SMG6: variants seen among roughly 807,000 people sequenced by gnomAD.
SMG6 encodes telomerase-binding protein EST1A.
SMG6 carries 66 observed loss-of-function variants against 142.2 expected under a neutral mutation model. That is an observed-to-expected ratio of 0.46 (90% CI 0.38 to 0.57). SMG6 has a LOEUF of 0.57. Ranked by LOEUF, SMG6 falls within the 20% of genes least tolerant of loss-of-function variation. SMG6 has a pLI of 0.00. For missense variants in SMG6, 1,793 were observed against 1,832.0 expected (o/e 0.98, Z 0.39); for synonymous variants, 779 against 702.4 (o/e 1.11, Z -1.72).
intron 18 of SMG6, among the ~76,000 whole-genome samples, chr17:2,064,750 A>G (rs954397875): frequency 3.9e-5 from 6 of 152,218 alleles, no homozygotes; most frequent in African/African-American, 1.4e-4. Context: ...AGTGAATCAT[A>G]AAGACATTCT....
intron 13 of SMG6, among the ~76,000 whole-genome samples, chr17:2,119,811 G>A (rs1267604461): frequency 3.9e-5 from 6 of 152,122 alleles, no homozygotes; most frequent in Non-Finnish European, 5.9e-5. Context: ...ACAGACGCCC[G>A]CTGCCATGCC....
intron 11 of SMG6, 28 bp downstream of exon 11, chr17:2,188,371 C>T (rs376288525): frequency 3.1e-6 from 5 of 1,601,526 alleles, no homozygotes; most frequent in Non-Finnish European, 4.3e-6. Flanking sequence ...CTGGAAAGCC[C>T]ACCAGGCTGG....
intron 13 of SMG6, among the ~76,000 whole-genome samples, chr17:2,117,293 G>A (rs1567610709): frequency 6.6e-6 from 1 of 151,740 alleles, no homozygotes; most frequent in Non-Finnish European, 1.5e-5. Context: ...CAACTCACTA[G>A]TGGAGATCTC....
At chr17:2,284,231 T>C (rs2074855062) in intron 6 of SMG6, among the ~76,000 whole-genome samples, 1 of 152,186 alleles carries the variant, frequency 6.6e-6, no homozygotes, top group South Asian at 2.1e-4. Flanking sequence ...AGTTCCTATA[T>C]CCTCAACATT....
At chr17:2,129,255 C>T (rs748987382) in intron 13 of SMG6, among the ~76,000 whole-genome samples, 4 of 151,980 alleles carry the variant, frequency 2.6e-5, no homozygotes, top group Admixed American at 2.0e-4. Context: ...CCAGGGAGGT[C>T]GAGGCTGCAG....
At chr17:2,229,139 C>T (rs1210403086) in intron 10 of SMG6, among the ~76,000 whole-genome samples, 2 of 152,182 alleles carry the variant, frequency 1.3e-5, no homozygotes, top group Non-Finnish European at 2.9e-5. Context: ...AACACTTCTA[C>T]CAACTAGTCA....
chr17:2,074,027 C>T (rs536150197), intron 15 of SMG6, among the ~76,000 whole-genome samples: 3 of 152,190 alleles, frequency 2.0e-5, no homozygotes, highest in East Asian at 1.9e-4. Flanking sequence ...TACAGTGAGC[C>T]GAGACCATGC....
chr17:2,229,985 A>C (rs2073424241), intron 10 of SMG6, among the ~76,000 whole-genome samples: 1 of 151,926 alleles, frequency 6.6e-6, no homozygotes, highest in South Asian at 2.1e-4. Context: ...CAGGAGTTTG[A>C]GACCAGCCTG....
At chr17:2,237,999 C>G (rs1260544135) in intron 9 of SMG6, among the ~76,000 whole-genome samples, 1 of 152,192 alleles carries the variant, frequency 6.6e-6, no homozygotes, top group African/African-American at 2.4e-5. Context: ...TCTGAAAAGC[C>G]ACAAGGAAGG....
intron 13 of SMG6, among the ~76,000 whole-genome samples, chr17:2,123,536 T>G (rs2069770387): frequency 6.6e-6 from 1 of 152,186 alleles, no homozygotes; most frequent in Admixed American, 6.5e-5. Flanking sequence ...ATCTTGGCAA[T>G]GGTTATTCCT....
chr17:2,299,922 T>G lies in SMG6; in HGVS notation c.831A>C (p.Gly277=). 1.2e-6 allele frequency: 2 copies of G among 1,614,126 alleles called. No homozygotes were observed. The highest frequency in any genetic ancestry group is 1.7e-6 in the Non-Finnish European group (2 of 1,180,030). ...SAEGAGLTDN[G]CRRRRQDRTK... Reference sequence around the variant, plus strand: ...TCCTATCCTGTCGGCGGCGGCGACATCCATTATCCGTCAGGCCAGCTCCCT... The same window carrying G: ...TCCTATCCTGTCGGCGGCGGCGACAGCCATTATCCGTCAGGCCAGCTCCCT... Residue 277 remains glycine (G), a synonymous_variant, in exon 2 of 19, where the codon GGA becomes GGC. Transcript: ENST00000263073. This position sits in a 1 kb window ranked among gnomAD's most constrained non-coding sequence, Gnocchi z 4.3.
chr17:2,297,311 T>G lies in SMG6; in HGVS notation c.2083A>C (p.Thr695Pro). The G allele has an allele frequency of 6.2e-7, 1 of 1,613,350 alleles. No individual in the cohort carries two copies. Among genetic ancestry groups the G allele is most frequent in the Non-Finnish European group, 8.5e-7 (1 of 1,179,712 alleles). The stretch of plus-strand genomic sequence containing the variant: ...TAGTCTTCCAGTTTGAACTTGTAAG[T>G]AACCTGCAGCTTCTGAAGCAAACTA... ...FDSLLQKLQV[T>P]YKFKLEDYMD... Residue 695 changes from threonine (T) to proline (P), a missense_variant, in exon 4 of 19, where the codon ACT (threonine) becomes CCT (proline). This residue lies in a region of SMG6 where 1,597 missense variants were observed against 1,584.6 expected (regional missense o/e 1.01). Coordinates refer to ENST00000263073, the MANE Select transcript of SMG6 (RefSeq NM_017575.5).
At chr17:2,254,703 T>G (rs1201279528) in intron 8 of SMG6, among the ~76,000 whole-genome samples, 1 of 152,114 alleles carries the variant, frequency 6.6e-6, no homozygotes, top group Non-Finnish European at 1.5e-5. Context: ...TCCTCACACA[T>G]GGACCCATAC....
intron 12 of SMG6, among the ~76,000 whole-genome samples, chr17:2,185,511 G>A (rs2071950941): frequency 1.3e-5 from 2 of 151,718 alleles, no homozygotes; most frequent in Admixed American, 6.6e-5. Context: ...AAAAGAAAAA[G>A]AAAAAGGTAT....
chr17:2,195,503 G>A (rs2072296802), intron 10 of SMG6, among the ~76,000 whole-genome samples: 1 of 152,194 alleles, frequency 6.6e-6, no homozygotes, highest in Non-Finnish European at 1.5e-5. Flanking sequence ...TAAGCCCCTT[G>A]AGGGCAAGAG....
chr17:2,085,913 G>A lies in SMG6; in HGVS notation c.3358-12C>T. The A allele has an allele frequency of 6.2e-7, 1 of 1,612,414 alleles. No individual in the cohort carries two copies. The highest frequency in any genetic ancestry group is 2.2e-5 in the East Asian group (1 of 44,868). Reference sequence around the variant, plus strand: ...TCAGCTGCAATAACCTACAGGGTGAGAGGGAGAGAAGAAAAACAGCATTTT... The same window carrying A: ...TCAGCTGCAATAACCTACAGGGTGAAAGGGAGAGAAGAAAAACAGCATTTT... On this transcript the variant is annotated splice_polypyrimidine_tract_variant and intron_variant, in intron 13 of 18. Coordinates refer to ENST00000263073, the MANE Select transcript of SMG6 (RefSeq NM_017575.5). The surrounding 1 kb of genome is among the most constrained non-coding windows in gnomAD (Gnocchi z 4.1).
chr17:2,156,028 TTTTC>T (rs1292883596), intron 13 of SMG6, among the ~76,000 whole-genome samples: 14 of 147,254 alleles, frequency 9.5e-5, no homozygotes, highest in Admixed American at 4.8e-4. Flanking sequence ...TCTTTTACTG[TTTTC>T]TTTACCTTTT....
chr17:2,303,508 G>T, intron 1 of SMG6, 125 bp downstream of exon 1: 1 of 1,329,896 alleles, frequency 7.5e-7, no homozygotes, highest in Non-Finnish European at 9.6e-7. Flanking sequence ...CGCGGCCCCA[G>T]CGCCTACTGC....
intron 8 of SMG6, among the ~76,000 whole-genome samples, chr17:2,277,754 A>G (rs1305797587): frequency 6.6e-6 from 1 of 152,206 alleles, no homozygotes; most frequent in Non-Finnish European, 1.5e-5. Context: ...TTGTTAAAAA[A>G]TGTATTTCAG....
Sources: gnomAD v4.1 joint callset for allele counts (sites outside exome capture counted in the v4.1 genomes callset) on GRCh38, gnomAD v4.1.1 for gene constraint, gnomAD v4.1.1 regional missense constraint, Gnocchi (gnomAD v3.1) non-coding constraint, MANE v1.5 for transcripts, NCBI Gene and HGNC (gene_info 2026-07-23, HGNC 2026-07-21) for gene names.